Variants in SDK1 observed in about 807,000 individuals in gnomAD.
The protein encoded by SDK1 is sidekick cell adhesion molecule 1, also known as protein sidekick-1.
SDK1 carries 157 observed loss-of-function variants against 245.5 expected under a neutral mutation model. The observed-to-expected ratio is 0.64, with a 90% CI of 0.56 to 0.73. SDK1 has a LOEUF of 0.73. SDK1 is among the 30% of genes least tolerant of loss of function. The pLI, the probability that SDK1 is intolerant of heterozygous loss-of-function variation, is 0.00. For synonymous variants in SDK1, 1,647 were observed against 1,278.5 expected, an observed-to-expected ratio of 1.29 and a Z score of -6.15; for missense variants, 3,583 against 3,002.3, an observed-to-expected ratio of 1.19 and a Z score of -4.52.
intron 5 of SDK1, among the ~76,000 whole-genome samples, chr7:3,941,923 T>TG (rs1269445519): frequency 7.3e-5 from 11 of 151,216 alleles, no homozygotes; most frequent in African/African-American, 2.4e-4. Context: ...TTTTTTTTTT[T>TG]TTTGAGACAC....
chr7:4,031,879 T>A (rs1787843694), intron 17 of SDK1, among the ~76,000 whole-genome samples: 1 of 151,948 alleles, frequency 6.6e-6, no homozygotes, highest in African/African-American at 2.4e-5. Flanking sequence ...ATACAAAAAT[T>A]AGCCGGGCAT....
intron 1 of SDK1, among the ~76,000 whole-genome samples, chr7:3,575,692 G>A (rs1288263765): frequency 1.3e-5 from 2 of 151,890 alleles, no homozygotes; most frequent in Admixed American, 1.3e-4. Flanking sequence ...AGGTTTGGGG[G>A]ATCAACTTAT....
chr7:3,840,699 G>A (rs545196496), intron 5 of SDK1, among the ~76,000 whole-genome samples: 63 of 152,348 alleles, frequency 4.1e-4, no homozygotes, highest in Non-Finnish European at 7.1e-4. Context: ...CACGGACTAC[G>A]CTGGGTAGCA....
At chr7:4,095,037 A>C (rs970975481) in intron 22 of SDK1, among the ~76,000 whole-genome samples, 5 of 152,212 alleles carry the variant, frequency 3.3e-5, no homozygotes, top group African/African-American at 1.2e-4. Flanking sequence ...TGAGGGTGTG[A>C]CTTCCTCCAG....
chr7:3,461,771 A>G (rs1237582716), intron 1 of SDK1, among the ~76,000 whole-genome samples: 2 of 152,174 alleles, frequency 1.3e-5, no homozygotes, highest in Non-Finnish European at 2.9e-5. Context: ...GAAATGACTG[A>G]CCTGCATTTA....
intron 4 of SDK1, among the ~76,000 whole-genome samples, chr7:3,665,614 C>CT (rs1161118380): frequency 1.8e-4 from 28 of 152,080 alleles, no homozygotes; most frequent in Non-Finnish European, 2.9e-5. Flanking sequence ...TTGTCCTTCT[C>CT]TTTTTTGCAT....
At chr7:4,147,771 G>T (rs1780076880) in intron 29 of SDK1, among the ~76,000 whole-genome samples, 1 of 152,204 alleles carries the variant, frequency 6.6e-6, no homozygotes, top group African/African-American at 2.4e-5. Flanking sequence ...ACTCAGGGCT[G>T]TCGGCTTCTC....
At chr7:3,675,699 C>T (rs1365503139) in intron 4 of SDK1, among the ~76,000 whole-genome samples, 2 of 152,064 alleles carry the variant, frequency 1.3e-5, no homozygotes, top group Admixed American at 6.6e-5. Flanking sequence ...TCAGCCACTA[C>T]AGGCATTTTT....
At chr7:3,420,526 AT>A (rs1444789597) in intron 1 of SDK1, among the ~76,000 whole-genome samples, 1 of 152,176 alleles carries the variant, frequency 6.6e-6, no homozygotes, top group Non-Finnish European at 1.5e-5. Flanking sequence ...TTGCTTTATC[AT>A]AGCTCTAAGT....
chr7:3,311,082 C>A (rs996149949), intron 1 of SDK1, among the ~76,000 whole-genome samples: 1 of 151,820 alleles, frequency 6.6e-6, no homozygotes, highest in Non-Finnish European at 1.5e-5. Context: ...TGATGAGTCA[C>A]GGTAGTAGAG....
chr7:3,983,722 A>G (rs1467838316), intron 13 of SDK1, among the ~76,000 whole-genome samples: 1 of 152,032 alleles, frequency 6.6e-6, no homozygotes, highest in Non-Finnish European at 1.5e-5. Context: ...TATTGAACAC[A>G]AGAGATATTA....
intron 1 of SDK1, among the ~76,000 whole-genome samples, chr7:3,574,744 A>G (rs1780231091): frequency 6.6e-6 from 1 of 152,148 alleles, no homozygotes; most frequent in Non-Finnish European, 1.5e-5. Flanking sequence ...AAAACATTTC[A>G]TTTAAAGTTA....
chr7:3,692,621 G>C lies in SDK1; in HGVS notation c.713+50516G>C, dbSNP rs992141. 5.5e-4 allele frequency among the ~76,000 whole-genome samples: 83 copies of C among 152,002 alleles called. 1 individual carries two copies. The highest frequency in any genetic ancestry group is 3.4e-3 in the Middle Eastern group (1 of 294). ...GATGTGATAAAAATATAAACTCTTG[G>C]CTACATGTTTTATTTAGTCTACTAG... On this transcript the variant is annotated intron_variant, in intron 4 of 44. Coordinates refer to ENST00000404826, the MANE Select transcript of SDK1 (RefSeq NM_152744.4).
chr7:3,667,270 A>G (rs1458911911), intron 4 of SDK1, among the ~76,000 whole-genome samples: 1 of 152,222 alleles, frequency 6.6e-6, no homozygotes, highest in Non-Finnish European at 1.5e-5. Context: ...ACACATTTGT[A>G]TAGAGAACAC....
intron 30 of SDK1, among the ~76,000 whole-genome samples, chr7:4,154,189 C>A (rs1237287816): frequency 6.6e-6 from 1 of 152,176 alleles, no homozygotes; most frequent in East Asian, 1.9e-4. Context: ...GACGCCCATT[C>A]CAGAACACTT....
intron 1 of SDK1, among the ~76,000 whole-genome samples, chr7:3,551,177 A>G (rs1025856531): frequency 1.3e-5 from 2 of 152,084 alleles, no homozygotes; most frequent in South Asian, 2.1e-4. Flanking sequence ...AACCCGGCCA[A>G]CACCGGGGGT....
At chr7:3,580,874 A>G (rs550776572) in intron 1 of SDK1, among the ~76,000 whole-genome samples, 45 of 148,442 alleles carry the variant, frequency 3.0e-4, no homozygotes, top group Non-Finnish European at 5.5e-4. Flanking sequence ...AGGCTGAGGC[A>G]GGAGAATCGC....
chr7:4,261,005 C>T (rs868170661), intron 44 of SDK1, among the ~76,000 whole-genome samples: 1 of 152,200 alleles, frequency 6.6e-6, no homozygotes, highest in East Asian at 1.9e-4. Context: ...ACAGTTTATA[C>T]TTAATGTTCG....
intron 35 of SDK1, among the ~76,000 whole-genome samples, chr7:4,191,148 C>G (rs1783182652): frequency 6.6e-6 from 1 of 152,178 alleles, no homozygotes; most frequent in Non-Finnish European, 1.5e-5. Context: ...TGAGGTCCTG[C>G]CAGGCCAACC....
Sources: allele counts gnomAD v4.1 joint callset (sites outside exome capture counted in the v4.1 genomes callset), GRCh38; gene constraint gnomAD v4.1.1; transcripts MANE v1.5; gene names NCBI Gene and HGNC (gene_info 2026-07-23, HGNC 2026-07-21).